Variants in PLXDC2 observed in about 807,000 individuals in gnomAD.
PLXDC2 encodes plexin domain containing 2, also known as plexin domain-containing protein 2.
PLXDC2 carries 40 observed loss-of-function variants against 68.9 expected under a neutral mutation model. The ratio of observed to expected loss-of-function variants is 0.58; its 90% CI spans 0.45 to 0.76. PLXDC2 has a LOEUF of 0.76. Ranked by LOEUF, PLXDC2 falls within the 30% of genes least tolerant of loss-of-function variation. The pLI is 0.00. For missense variants in PLXDC2, 644 were observed against 661.9 expected (o/e 0.97, Z 0.30); for synonymous variants, 243 against 234.2 (o/e 1.04, Z -0.34).
intron 1 of PLXDC2, among the ~76,000 whole-genome samples, chr10:19,991,019 G>T (rs1245339008): frequency 6.6e-6 from 1 of 152,126 alleles, no homozygotes; most frequent in East Asian, 1.9e-4. Flanking sequence ...GGCCGAGGCG[G>T]GTGGATCACC....
intron 7 of PLXDC2, among the ~76,000 whole-genome samples, chr10:20,168,422 G>A (rs1016316613): frequency 2.0e-5 from 3 of 152,050 alleles, no homozygotes; most frequent in Admixed American, 6.6e-5. Flanking sequence ...TAACTTAGAT[G>A]TCACTGCCAA....
At chr10:20,039,428 G>A (rs577727438) in intron 2 of PLXDC2, among the ~76,000 whole-genome samples, 9 of 152,270 alleles carry the variant, frequency 5.9e-5, no homozygotes, top group East Asian at 1.9e-4. Context: ...GCTGGTATTC[G>A]AAAGAAAAGG....
chr10:20,277,468 T>C (rs915712835), intron 13 of PLXDC2, among the ~76,000 whole-genome samples: 5 of 152,126 alleles, frequency 3.3e-5, no homozygotes, highest in African/African-American at 1.2e-4. Flanking sequence ...CAAGCAAATA[T>C]AAAGATCCTA....
In PLXDC2 at chr10:19,822,976, C is replaced by T. The variant is rs184775666; in HGVS notation, c.112+5785C>T. On this transcript the variant is annotated intron_variant, in intron 1 of 13. Coordinates refer to ENST00000377252, the MANE Select transcript of PLXDC2 (RefSeq NM_032812.9). Reference sequence around the variant, plus strand: ...TTTCTCCCAGTCTGGAGTGCAGTGGCGCGATCTCAGCTCACTGCAAGCACC... The same window carrying T: ...TTTCTCCCAGTCTGGAGTGCAGTGGTGCGATCTCAGCTCACTGCAAGCACC... Among the ~76,000 whole-genome samples the T allele has an allele frequency of 6.3e-4, 96 of 151,788 alleles. 1 individual carries two copies. The East Asian group carries it at 0.012, about 18-fold the overall frequency.
chr10:19,977,638 G>A lies in PLXDC2; in HGVS notation c.113-24137G>A, dbSNP rs528865292. Among the ~76,000 whole-genome samples, 3 of 152,314 alleles carry A rather than the reference G, an allele frequency of 2.0e-5. No individual in the cohort carries two copies. The East Asian group carries it at 5.8e-4, about 29-fold the overall frequency. On this transcript the variant is annotated intron_variant, in intron 1 of 13. Transcript: ENST00000377252. ...TTTATTTCTCATAGTTCTGTAGGCT[G>A]GGAAATTCGAGATCCAGGTGCCAGC... is the stretch of plus-strand genomic sequence containing the variant.
intron 4 of PLXDC2, among the ~76,000 whole-genome samples, chr10:20,094,907 AAACATTTG>A (rs1408354573): frequency 6.6e-6 from 1 of 152,160 alleles, no homozygotes; most frequent in East Asian, 1.9e-4. Context: ...TTGATTCAAG[AAACATTTG>A]CTGAGTATTG....
chr10:20,148,290 T>C (rs1011027118), intron 6 of PLXDC2, among the ~76,000 whole-genome samples: 1 of 152,036 alleles, frequency 6.6e-6, no homozygotes, highest in Admixed American at 6.6e-5. Flanking sequence ...CCTGGTTGAT[T>C]TCTTTGTTAT....
rs138172461 is a variant in PLXDC2 at position 19,834,804 on chromosome 10, A to G, written c.112+17613A>G. ...GCGCCTAGCATTGTGATGTGAAGGG[A>G]TACAAAATACAGCCTTTGCCAGGTA... On this transcript the variant is annotated intron_variant, in intron 1 of 13. Coordinates refer to ENST00000377252, the MANE Select transcript of PLXDC2 (RefSeq NM_032812.9). Among the ~76,000 whole-genome samples the G allele has an allele frequency of 5.3e-3, 807 of 152,334 alleles. 6 individuals carry two copies. Among genetic ancestry groups the G allele is most frequent in the African/African-American group, 0.018 (756 of 41,582 alleles).
intron 1 of PLXDC2, among the ~76,000 whole-genome samples, chr10:19,836,060 C>T (rs1836786204): frequency 6.6e-6 from 1 of 151,724 alleles, no homozygotes; most frequent in South Asian, 2.1e-4. Flanking sequence ...ATCTGTGGTC[C>T]CAGCTACACT....
At chr10:19,866,328 C>T (rs1837415129) in intron 1 of PLXDC2, among the ~76,000 whole-genome samples, 1 of 152,184 alleles carries the variant, frequency 6.6e-6, no homozygotes, top group Admixed American at 6.5e-5. Flanking sequence ...CCTTTTGCAG[C>T]TTCTAGAGCT....
At chr10:19,868,654 C>G (rs928961872) in intron 1 of PLXDC2, among the ~76,000 whole-genome samples, 1 of 152,164 alleles carries the variant, frequency 6.6e-6, no homozygotes, top group African/African-American at 2.4e-5. Context: ...GTAGAGACCA[C>G]TACTAGTGTA....
chr10:20,064,469 C>A (rs1314582864), intron 3 of PLXDC2, among the ~76,000 whole-genome samples: 1 of 152,078 alleles, frequency 6.6e-6, no homozygotes, highest in Non-Finnish European at 1.5e-5. Context: ...ATCCGCCTAC[C>A]TTGGCCTCCC....
intron 13 of PLXDC2, among the ~76,000 whole-genome samples, chr10:20,265,863 A>G (rs891961846): frequency 6.6e-6 from 1 of 152,186 alleles, no homozygotes; most frequent in Non-Finnish European, 1.5e-5. Context: ...CATTTAAGCC[A>G]AGGCTTTTGA....
intron 4 of PLXDC2, among the ~76,000 whole-genome samples, chr10:20,090,726 A>G (rs1833265153): frequency 6.6e-6 from 1 of 152,208 alleles, no homozygotes; most frequent in African/African-American, 2.4e-5. Context: ...CGACTTGCAC[A>G]ATATTTTTGA....
At chr10:20,233,143 A>C (rs563939071) in intron 12 of PLXDC2, among the ~76,000 whole-genome samples, 1 of 152,056 alleles carries the variant, frequency 6.6e-6, no homozygotes, top group African/African-American at 2.4e-5. Flanking sequence ...GTATAGTTGC[A>C]CGAGTTGTAT....
chr10:19,846,458 G>T (rs538706956), intron 1 of PLXDC2, among the ~76,000 whole-genome samples: 1 of 152,062 alleles, frequency 6.6e-6, no homozygotes, highest in Non-Finnish European at 1.5e-5. Flanking sequence ...TTTTCAAAGG[G>T]ACTGCGTTAT....
At chr10:19,860,480 AGT>A in intron 1 of PLXDC2, among the ~76,000 whole-genome samples, 1 of 152,338 alleles carries the variant, frequency 6.6e-6, no homozygotes, top group East Asian at 1.9e-4. Context: ...AGAGTATCTA[AGT>A]GTGCAATGTT....
At chr10:20,041,285 A>C (rs1835677429) in intron 2 of PLXDC2, among the ~76,000 whole-genome samples, 1 of 152,114 alleles carries the variant, frequency 6.6e-6, no homozygotes, top group Non-Finnish European at 1.5e-5. Context: ...CTATATAGTT[A>C]AATTACAACT....
chr10:19,927,085 T>C (rs530107969), intron 1 of PLXDC2, among the ~76,000 whole-genome samples: 2 of 152,320 alleles, frequency 1.3e-5, no homozygotes, highest in South Asian at 4.1e-4. Context: ...AATTGACTTA[T>C]TCATTCAGTC....
Sources: gnomAD v4.1 joint callset for allele counts (sites outside exome capture counted in the v4.1 genomes callset) on GRCh38, gnomAD v4.1.1 for gene constraint, MANE v1.5 for transcripts, NCBI Gene and HGNC (gene_info 2026-07-23, HGNC 2026-07-21) for gene names.